The following MSRB3 variants were observed in gnomAD, a reference collection of about 807,000 sequenced individuals.
MSRB3 encodes the protein methionine sulfoxide reductase B3.
In MSRB3, 13 loss-of-function variants were observed where a neutral mutation model predicts 21.0. The observed-to-expected ratio is 0.62, with a 90% CI of 0.40 to 0.98. MSRB3 has a LOEUF of 0.98. Among genes scored for constraint, MSRB3 ranks in the 50% least tolerant of loss-of-function variants. MSRB3 has a pLI of 0.00. For missense variants in MSRB3, 199 were observed against 230.3 expected (o/e 0.86, Z 0.88); for synonymous variants, 87 against 88.6 (o/e 0.98, Z 0.10).
intron 1 of MSRB3, among the ~76,000 whole-genome samples, chr12:65,300,476 C>T (rs1873251971): frequency 6.6e-6 from 1 of 152,164 alleles, no homozygotes; most frequent in Non-Finnish European, 1.5e-5. Context: ...CTTCCAGACT[C>T]TGTTGTTTTC....
At chr12:65,389,798 T>C (rs1253046369) in intron 5 of MSRB3, among the ~76,000 whole-genome samples, 1 of 152,218 alleles carries the variant, frequency 6.6e-6, no homozygotes, top group Non-Finnish European at 1.5e-5. Flanking sequence ...CTTTCAGTTG[T>C]AGCTCCTTCA....
intron 6 of MSRB3, among the ~76,000 whole-genome samples, chr12:65,461,796 T>C (rs556539987): frequency 2.0e-5 from 3 of 152,344 alleles, no homozygotes; most frequent in South Asian, 2.1e-4. Flanking sequence ...ATCATTGATA[T>C]GCTTTTTCTC....
chr12:65,424,592 T>C lies in MSRB3; in HGVS notation c.293-29136T>C, dbSNP rs1014050001. Among the ~76,000 whole-genome samples the C allele has an allele frequency of 1.3e-5, 2 of 152,152 alleles. 1 individual carries two copies. The highest frequency in any genetic ancestry group is 4.1e-4 in the South Asian group (2 of 4,838). ...TTTTGGTTGTTTAAGAGCATGTGTT[T>C]AACTTCTTCACATGTGTGAATTTTC... is the stretch of plus-strand genomic sequence containing the variant. On this transcript the variant is annotated intron_variant, in intron 5 of 6. Coordinates refer to ENST00000308259, the MANE Select transcript of MSRB3 (RefSeq NM_001031679.3).
chr12:65,296,406 G>T (rs943706096), intron 1 of MSRB3, among the ~76,000 whole-genome samples: 1 of 152,176 alleles, frequency 6.6e-6, no homozygotes, highest in African/African-American at 2.4e-5. Flanking sequence ...TGAGCATGCT[G>T]CTAGATGCTT....
intron 5 of MSRB3, among the ~76,000 whole-genome samples, chr12:65,406,679 T>C (rs1295247781): frequency 1.3e-5 from 2 of 152,194 alleles, no homozygotes; most frequent in African/African-American, 4.8e-5. Context: ...CACCACCTGG[T>C]TTCAAAATTT....
At chr12:65,307,032 T>C in intron 1 of MSRB3, 1 of 985,840 alleles carries the variant, frequency 1.0e-6, no homozygotes, top group Non-Finnish European at 1.2e-6. Flanking sequence ...GCTAAGTAAT[T>C]ACATTTACTG....
In MSRB3 at chr12:65,421,637, T is replaced by C. The variant is rs112725566; in HGVS notation, c.293-32091T>C. On this transcript the variant is annotated intron_variant, in intron 5 of 6. Transcript: ENST00000308259. ...TTATATCCAGCTAAACTAAGCTTCT[T>C]CAGTGAAGGAGAAATAAGATCTTTT... Among the ~76,000 whole-genome samples the C allele has an allele frequency of 3.2e-3, 489 of 152,314 alleles. 4 individuals are homozygous for C. The highest frequency in any genetic ancestry group is 0.011 in the African/African-American group (459 of 41,574).
chr12:65,420,964 A>C (rs1565884197), intron 5 of MSRB3, among the ~76,000 whole-genome samples: 1 of 152,128 alleles, frequency 6.6e-6, no homozygotes, highest in South Asian at 2.1e-4. Context: ...GGAATGATTT[A>C]TATTCCTTTG....
chr12:65,401,909 T>C (rs1880146433), intron 5 of MSRB3, among the ~76,000 whole-genome samples: 1 of 152,214 alleles, frequency 6.6e-6, no homozygotes, highest in Admixed American at 6.5e-5. Context: ...AGTTTAAAAT[T>C]CTTTTCTTTA....
chr12:65,414,006 T>C (rs796389442), intron 5 of MSRB3, among the ~76,000 whole-genome samples: 4 of 152,186 alleles, frequency 2.6e-5, no homozygotes, highest in African/African-American at 9.6e-5. Flanking sequence ...AGCAGGCCAG[T>C]ATTGCTGTAG....
At chr12:65,369,249 A>G (rs941079237) in intron 5 of MSRB3, among the ~76,000 whole-genome samples, 1 of 152,094 alleles carries the variant, frequency 6.6e-6, no homozygotes, top group African/African-American at 2.4e-5. Context: ...TACATGACCT[A>G]TATCTGCAGA....
rs1422883732 is a variant in MSRB3 at position 65,308,456 on chromosome 12, G to A, written c.-51-73G>A. On this transcript the variant is annotated intron_variant, in intron 1 of 6. Transcript: ENST00000308259. ...GTTCCAGATAAAACTGTAACCATCA[G>A]TTGTGCAATGAATGTGTTTAATATT... 1.4e-5 allele frequency: 22 copies of A among 1,553,428 alleles called. No homozygotes were observed. The Middle Eastern group carries it at 1.3e-3, about 94-fold the overall frequency.
intron 4 of MSRB3, among the ~76,000 whole-genome samples, chr12:65,339,502 C>T (rs954458304): frequency 7.2e-5 from 11 of 152,072 alleles, no homozygotes; most frequent in African/African-American, 2.7e-4. Context: ...ATTTCAAGTA[C>T]AGATATGACA....
chr12:65,366,840 G>A (rs954843174), intron 4 of MSRB3, among the ~76,000 whole-genome samples: 1 of 152,168 alleles, frequency 6.6e-6, no homozygotes, highest in Non-Finnish European at 1.5e-5. Flanking sequence ...ACCAGGAGAA[G>A]TCCTGGGAGT....
At chr12:65,291,208 C>T (rs1271780158) in intron 1 of MSRB3, among the ~76,000 whole-genome samples, 1 of 151,996 alleles carries the variant, frequency 6.6e-6, no homozygotes, top group Non-Finnish European at 1.5e-5. Context: ...ACCTCAGCCT[C>T]CTGAGTAGCT....
chr12:65,368,896 G>A (rs985539436), intron 4 of MSRB3, 102 bp from the exon 5 acceptor site: 4 of 715,316 alleles, frequency 5.6e-6, no homozygotes, highest in African/African-American at 1.8e-5. Context: ...ACTGAAAAAT[G>A]TAACTATTAC....
At chr12:65,329,586 G>T (rs1875277015) in intron 4 of MSRB3, among the ~76,000 whole-genome samples, 2 of 151,316 alleles carry the variant, frequency 1.3e-5, no homozygotes, top group Non-Finnish European at 2.9e-5. Flanking sequence ...GGAGGCGGAG[G>T]TTGCAGTCAG....
At chr12:65,439,821 G>A (rs1009824482) in intron 5 of MSRB3, among the ~76,000 whole-genome samples, 2 of 151,580 alleles carry the variant, frequency 1.3e-5, no homozygotes, top group Non-Finnish European at 3.0e-5. Flanking sequence ...TGAATCCAAA[G>A]ATGGTTTTTT....
intron 5 of MSRB3, among the ~76,000 whole-genome samples, chr12:65,402,897 A>G (rs1341366048): frequency 6.6e-6 from 1 of 151,896 alleles, no homozygotes; most frequent in Non-Finnish European, 1.5e-5. Flanking sequence ...CTGGAGGTCC[A>G]CTCCAGACCC....
Sources: allele counts gnomAD v4.1 joint callset (sites outside exome capture counted in the v4.1 genomes callset), GRCh38; gene constraint gnomAD v4.1.1; transcripts MANE v1.5; gene names NCBI Gene and HGNC (gene_info 2026-07-23, HGNC 2026-07-21).